Variants in SLC22A23 observed in about 807,000 individuals in gnomAD.
SLC22A23 encodes ion transporter protein.
In SLC22A23, 26 loss-of-function variants were observed where a neutral mutation model predicts 61.0. The observed-to-expected ratio is 0.43, with a 90% CI of 0.31 to 0.59. The LOEUF is 0.59. Ranked by LOEUF, SLC22A23 falls within the 20% of genes least tolerant of loss-of-function variation. The pLI, the probability that SLC22A23 is intolerant of heterozygous loss-of-function variation, is 0.11. For synonymous variants in SLC22A23, 430 were observed against 413.9 expected, an observed-to-expected ratio of 1.04 and a Z score of -0.47; for missense variants, 796 against 934.7, an observed-to-expected ratio of 0.85 and a Z score of 1.94.
Position 3,273,253 on chromosome 6 carries a change from G to C in SLC22A23, c.1863C>G (p.Ser621Arg). 6.2e-7 allele frequency: 1 copy of C among 1,613,232 alleles called. No homozygotes were observed. Among genetic ancestry groups the C allele is most frequent in the East Asian group, 2.2e-5 (1 of 44,848 alleles). The change falls in exon 10 of 10, where the codon AGC (serine) becomes AGG (arginine). Residue 621 changes from serine to arginine, a missense_variant. By Grantham distance (110) the Ser-to-Arg change is moderately radical (BLOSUM62 -1). Coordinates refer to ENST00000406686, the MANE Select transcript of SLC22A23 (RefSeq NM_015482.2). ...CIICILLLPESRDQNLPENIS... is the reference protein window; with the variant it reads ...CIICILLLPERRDQNLPENIS... ...TGTTCTCAGGCAGGTTCTGGTCCCT[G>C]CTCTCGGGCAGCAGGAGGATGCAGA...
chr6:3,432,484 C>G (rs1200157668), intron 1 of SLC22A23: 5 of 739,314 alleles, frequency 6.8e-6, no homozygotes, highest in South Asian at 6.0e-5. Flanking sequence ...CTTCCAGGAA[C>G]GCGTCTCCTT....
Position 3,456,285 on chromosome 6 carries a change from C to T in SLC22A23, c.275G>A (p.Gly92Asp), listed in dbSNP as rs762648084. The change falls in exon 1 of 10, where the codon GGC becomes GAC. Residue 92 changes from glycine to aspartate, a missense_variant. Physicochemically the swap from Gly to Asp is moderately conservative, Grantham distance 94. Coordinates refer to ENST00000406686, the MANE Select transcript of SLC22A23 (RefSeq NM_015482.2). The surrounding 1 kb of genome is among the most constrained non-coding windows in gnomAD (Gnocchi z 7.1). Reference protein sequence around the residue: ...GSVLPFLGGLGGGYQKTLVLL... With the variant: ...GSVLPFLGGLDGGYQKTLVLL... Reference sequence around the variant, plus strand: ...CACGAGGGTCTTCTGATAGCCCCCGCCCAGGCCCCCGAGGAAGGGCAGCAC... The same window carrying T: ...CACGAGGGTCTTCTGATAGCCCCCGTCCAGGCCCCCGAGGAAGGGCAGCAC... 1 of 1,551,272 alleles carries T rather than the reference C, an allele frequency of 6.4e-7. No homozygotes were observed. Among genetic ancestry groups the T allele is most frequent in the Non-Finnish European group, 8.7e-7 (1 of 1,146,834 alleles).
chr6:3,306,747 G>A (rs1012391030), intron 4 of SLC22A23, among the ~76,000 whole-genome samples: 5 of 151,958 alleles, frequency 3.3e-5, no homozygotes, highest in Admixed American at 6.6e-5. Flanking sequence ...ACCCCAGGTG[G>A]GGGGAGAGAA....
chr6:3,306,909 G>C (rs1762014161), intron 4 of SLC22A23, among the ~76,000 whole-genome samples: 1 of 152,250 alleles, frequency 6.6e-6, no homozygotes. Flanking sequence ...GTGCTGCCAG[G>C]CTGTGTGTGT....
rs1452830269 is a variant in SLC22A23, at chr6:3,270,537, G to C, written c.*2518C>G. ...TCCTCCTCAGGCTGCCCTGGGAGGA[G>C]AGCTGTGGGACCGCCTCGCCGGCTG... On this transcript the variant is annotated 3_prime_UTR_variant, in exon 10 of 10. Transcript: ENST00000406686. The C allele has an allele frequency of 6.6e-6, 1 of 152,408 alleles. No individual in the cohort carries two copies. Among genetic ancestry groups the C allele is most frequent in the Admixed American group, 6.5e-5 (1 of 15,286 alleles). 9.4% of individuals were successfully genotyped at this position (152,408 alleles called of 1,614,324 possible).
intron 3 of SLC22A23, among the ~76,000 whole-genome samples, chr6:3,384,896 C>T (rs1007540389): frequency 6.6e-6 from 1 of 152,170 alleles, no homozygotes; most frequent in African/African-American, 2.4e-5. Flanking sequence ...ATAATACGAT[C>T]CCGCCTTAAA....
chr6:3,311,815 C>G (rs1439655557), intron 4 of SLC22A23: 1 of 152,178 alleles, frequency 6.6e-6, no homozygotes, highest in Admixed American at 6.5e-5. Flanking sequence ...CAAAATTCTG[C>G]TCTAGAAAAA....
chr6:3,439,020 T>C (rs1320398257), intron 1 of SLC22A23, among the ~76,000 whole-genome samples: 2 of 152,104 alleles, frequency 1.3e-5, no homozygotes, highest in South Asian at 4.2e-4. Context: ...ATACAATGAG[T>C]GTTTTTATTA....
At chr6:3,444,573 C>G (rs920808138) in intron 1 of SLC22A23, among the ~76,000 whole-genome samples, 2 of 152,208 alleles carry the variant, frequency 1.3e-5, no homozygotes, top group Admixed American at 1.3e-4. Flanking sequence ...AGATTTCTGG[C>G]CTGAGAACTC....
chr6:3,296,151 C>T (rs1333740269), intron 5 of SLC22A23, among the ~76,000 whole-genome samples: 5 of 152,210 alleles, frequency 3.3e-5, no homozygotes, highest in Admixed American at 2.0e-4. Context: ...AGAGCATTAA[C>T]CTGCTAACGA....
chr6:3,281,331 C>T (rs774453364), intron 9 of SLC22A23, among the ~76,000 whole-genome samples: 3 of 152,204 alleles, frequency 2.0e-5, no homozygotes, highest in East Asian at 1.9e-4. Context: ...TCTGTCAACG[C>T]GAGGTCTGAA....
chr6:3,323,583 T>C (rs1763093407), intron 4 of SLC22A23: 2 of 559,052 alleles, frequency 3.6e-6, no homozygotes, highest in Admixed American at 3.1e-5. Flanking sequence ...GACTGGCCAG[T>C]GCATTTGCAG....
chr6:3,369,952 C>T (rs1188937081), intron 3 of SLC22A23, among the ~76,000 whole-genome samples: 1 of 152,160 alleles, frequency 6.6e-6, no homozygotes, highest in African/African-American at 2.4e-5. Context: ...TAAACAAAAA[C>T]TCAGTATGCT....
At chr6:3,306,630 C>T (rs1293881101) in intron 4 of SLC22A23, among the ~76,000 whole-genome samples, 1 of 152,184 alleles carries the variant, frequency 6.6e-6, no homozygotes, top group Non-Finnish European at 1.5e-5. Context: ...CCAGCCTTCA[C>T]ACCTAACAAG....
At chr6:3,429,381 C>G (rs938275559) in intron 1 of SLC22A23, among the ~76,000 whole-genome samples, 2 of 152,208 alleles carry the variant, frequency 1.3e-5, no homozygotes, top group Non-Finnish European at 2.9e-5. Context: ...TCAACCACAA[C>G]AAGAAGCAGT....
chr6:3,399,420 A>C lies in SLC22A23; in HGVS notation c.913+10768T>G, dbSNP rs114591907. 7.7e-3 allele frequency among the ~76,000 whole-genome samples: 1,180 copies of C among 152,324 alleles called. 15 individuals carry two copies. The highest frequency in any genetic ancestry group is 0.026 in the African/African-American group (1,099 of 41,560). On this transcript the variant is annotated intron_variant, in intron 3 of 9. Coordinates refer to ENST00000406686, the MANE Select transcript of SLC22A23 (RefSeq NM_015482.2). ...GTTATTCAAAGTCATGCCCTTCCTC[A>C]AGCAGCCATTCATGTCCATCCTGAA...
Position 3,360,224 on chromosome 6 carries a change from T to C in SLC22A23, c.914-36222A>G, listed in dbSNP as rs1044747755. Among the ~76,000 whole-genome samples the C allele has an allele frequency of 1.3e-5, 2 of 152,218 alleles. No individual in the cohort carries two copies. ...ATGTGAATTACTTAATGCCACTGAA[T>C]GGTACAATTAAAAGTAGTTAAAATG... On this transcript the variant is annotated intron_variant, in intron 3 of 9. Coordinates refer to ENST00000406686, the MANE Select transcript of SLC22A23 (RefSeq NM_015482.2). This position sits in a 1 kb window ranked among gnomAD's most constrained non-coding sequence, Gnocchi z 4.6.
chr6:3,365,118 A>C (rs1405966830), intron 3 of SLC22A23, among the ~76,000 whole-genome samples: 2 of 152,190 alleles, frequency 1.3e-5, no homozygotes, highest in Admixed American at 6.5e-5. Flanking sequence ...CAGGAGTTGG[A>C]GATCAATCTG....
At chr6:3,281,901 T>G (rs542493190) in intron 9 of SLC22A23, among the ~76,000 whole-genome samples, 1 of 152,344 alleles carries the variant, frequency 6.6e-6, no homozygotes, top group African/African-American at 2.4e-5. Context: ...TTTTCCAGTT[T>G]GTCATCTTGG....
Sources: gnomAD v4.1 joint callset for allele counts (sites outside exome capture counted in the v4.1 genomes callset) on GRCh38, gnomAD v4.1.1 for gene constraint, Gnocchi (gnomAD v3.1) non-coding constraint, MANE v1.5 for transcripts, NCBI Gene and HGNC (gene_info 2026-07-23, HGNC 2026-07-21) for gene names.